Variants in TRMT10B observed in about 807,000 individuals in gnomAD.
TRMT10B encodes the protein tRNA methyltransferase 10B, also known as tRNA methyltransferase 10 homolog B.
A neutral mutation model predicts 43.8 loss-of-function variants in TRMT10B; 33 were observed. The observed-to-expected ratio is 0.75, with a 90% CI of 0.57 to 1.01. The LOEUF is 1.01. Among genes scored for constraint, TRMT10B ranks in the 50% least tolerant of loss-of-function variants. TRMT10B has a pLI of 0.00. For synonymous variants in TRMT10B, 137 were observed against 130.6 expected, an observed-to-expected ratio of 1.05 and a Z score of -0.34; for missense variants, 362 against 369.8, an observed-to-expected ratio of 0.98 and a Z score of 0.17.
At chr9:37,764,660 G>A (rs1291063348) in intron 4 of TRMT10B, among the ~76,000 whole-genome samples, 2 of 152,028 alleles carry the variant, frequency 1.3e-5, no homozygotes, top group Admixed American at 6.6e-5. Flanking sequence ...CTGTCCTCAG[G>A]TGATCCACCT....
At chr9:37,753,307 A>G (rs2118598200), upstream of TRMT10B, among the ~76,000 whole-genome samples, 1 of 152,346 alleles carries the variant, frequency 6.6e-6, no homozygotes, top group Non-Finnish European at 1.5e-5. Context: ...GGAATTTGAT[A>G]TTTTAGTTCT....
chr9:37,768,211 G>T lies in TRMT10B; in HGVS notation c.556G>T (p.Gly186Ter). The part of the protein sequence containing the change: ...LYEECVRMND[G>*]FSSYLLDITE... ...TGAAGAGTGTGTGAGGATGAATGAT[G>T]GATTTTCTAGTTACCTGGTAAGTCT... Residue 186 changes from glycine (G) to a stop codon, truncating the protein, a stop_gained, in exon 5 of 9, where the codon GGA becomes TGA. Transcript: ENST00000297994. LOFTEE classifies it high-confidence loss of function. The T allele has an allele frequency of 6.2e-7, 1 of 1,612,140 alleles. No individual in the cohort carries two copies. The highest frequency in any genetic ancestry group is 8.5e-7 in the Non-Finnish European group (1 of 1,178,830).
chr9:37,753,360 G>A (rs372957870), upstream of TRMT10B, among the ~76,000 whole-genome samples: 2 of 152,186 alleles, frequency 1.3e-5, no homozygotes, highest in African/African-American at 4.8e-5. Context: ...CCTAAACTCC[G>A]CAAGGGATGG....
In TRMT10B at chr9:37,770,023, T is replaced by C. The variant is rs201429855; in HGVS notation, c.652+4T>C. 24 of 1,609,216 alleles carry C rather than the reference T, an allele frequency of 1.5e-5. No homozygotes were observed. The African/African-American group carries it at 2.3e-4, about 15-fold the overall frequency. ...CTGACTCCTGACTCAGAACACGGTA[T>C]GTAGTTGAATGCATGGATTCGTATA... On this transcript the variant is annotated splice_donor_region_variant and intron_variant, in intron 6 of 8. Transcript: ENST00000297994.
At chr9:37,764,708 G>A (rs1372094801) in intron 4 of TRMT10B, among the ~76,000 whole-genome samples, 1 of 152,136 alleles carries the variant, frequency 6.6e-6, no homozygotes, top group Non-Finnish European at 1.5e-5. Flanking sequence ...ACAGGCGTGA[G>A]CTACTGTGCC....
In TRMT10B at chr9:37,768,276, T is replaced by C. The variant is rs565197332; in HGVS notation, c.573+48T>C. 9 of 1,548,706 alleles carry C rather than the reference T, an allele frequency of 5.8e-6. No individual in the cohort carries two copies. The South Asian group carries it at 9.8e-5, about 17-fold the overall frequency. On this transcript the variant is annotated intron_variant, in intron 5 of 8. Coordinates refer to ENST00000297994, the MANE Select transcript of TRMT10B (RefSeq NM_144964.4). Reference sequence around the variant, plus strand: ...TTTGAATTGTCATCTGAAAAGTTATTGTGGTTAATAGTATTTTTTTTTTAC... The same window carrying C: ...TTTGAATTGTCATCTGAAAAGTTATCGTGGTTAATAGTATTTTTTTTTTAC...
chr9:37,772,443 T>C (rs1192936692), intron 7 of TRMT10B, among the ~76,000 whole-genome samples: 1 of 152,012 alleles, frequency 6.6e-6, no homozygotes, highest in African/African-American at 2.4e-5. Flanking sequence ...TGAGCCACCG[T>C]GCCCAGCCTC....
rs1484059533 is a variant in TRMT10B, at chr9:37,774,480, T to G, written c.721-1802T>G. ...TTGGAGTTTGGCTTCTTCACAGAAA[T>G]AAGCTAAGAACAACATTTCTTCAAG... is the stretch of plus-strand genomic sequence containing the variant. On this transcript the variant is annotated intron_variant, in intron 7 of 8. Transcript: ENST00000297994. Among the ~76,000 whole-genome samples, 11 of 152,310 alleles carry G rather than the reference T, an allele frequency of 7.2e-5. 1 individual carries two copies. In the East Asian group the frequency reaches 2.1e-3, roughly 29 times the overall value.
Position 37,776,408 on chromosome 9 carries a change from ACTT to A in TRMT10B, c.844+7_844+9del, listed in dbSNP as rs776140572. ...AGAGATACTGGCCATCAATCAAGGT[ACTT>A]CTTACACGGCCCCCATCCAGGGTGT... On this transcript the variant is annotated splice_donor_5th_base_variant and intron_variant, in intron 8 of 8. Coordinates refer to ENST00000297994, the MANE Select transcript of TRMT10B (RefSeq NM_144964.4). 43 of 1,604,808 alleles carry A rather than the reference ACTT, an allele frequency of 2.7e-5. No homozygotes were observed. Among genetic ancestry groups the A allele is most frequent in the Non-Finnish European group, 3.6e-5 (42 of 1,176,720 alleles).
At chr9:37,763,143 C>CAAAAAAAAAAAAAA (rs747893643) in intron 3 of TRMT10B, among the ~76,000 whole-genome samples, 12 of 50,180 alleles carry the variant, frequency 2.4e-4, no homozygotes, top group South Asian at 7.4e-4. Context: ...GACTCTGTCT[C>CAAAAAAAAAAAAAA]AAAAAAAAAA....
chr9:37,770,026 A>G lies in TRMT10B; in HGVS notation c.652+7A>G, dbSNP rs1315113773. ...ACTCCTGACTCAGAACACGGTATGT[A>G]GTTGAATGCATGGATTCGTATAGCC... On this transcript the variant is annotated splice_region_variant and intron_variant, in intron 6 of 8. Transcript: ENST00000297994. 1.9e-6 allele frequency: 3 copies of G among 1,608,504 alleles called. No individual in the cohort carries two copies. The highest frequency in any genetic ancestry group is 2.6e-6 in the Non-Finnish European group (3 of 1,174,908).
intron 5 of TRMT10B, chr9:37,769,453 C>T (rs78713199): frequency 0.13 from 20,239 of 157,606 alleles, 1,482 homozygotes; most frequent in Non-Finnish European, 0.16. Context: ...AACCCCATAT[C>T]GCTGTCTCAT....
intron 1 of TRMT10B, among the ~76,000 whole-genome samples, chr9:37,755,249 C>T (rs1339419582): frequency 7.0e-6 from 1 of 143,708 alleles, no homozygotes; most frequent in Non-Finnish European, 1.5e-5. Context: ...CCAGCCTGGG[C>T]GACAGAGTAA....
At chr9:37,762,306 AT>A (rs1826435342) in intron 2 of TRMT10B, among the ~76,000 whole-genome samples, 189 bp downstream of exon 2, 1 of 152,224 alleles carries the variant, frequency 6.6e-6, no homozygotes, top group African/African-American at 2.4e-5. Flanking sequence ...TTCAAAAGGA[AT>A]TTTTGATATA....
chr9:37,762,472 A>G, intron 2 of TRMT10B, 105 bp from the exon 3 acceptor site: 1 of 1,445,714 alleles, frequency 6.9e-7, no homozygotes, highest in South Asian at 1.4e-5. Context: ...CTTTCTCTCC[A>G]AACTATATAT....
At chr9:37,758,482 T>C (rs1288643814) in intron 1 of TRMT10B, among the ~76,000 whole-genome samples, 1 of 152,172 alleles carries the variant, frequency 6.6e-6, no homozygotes, top group Non-Finnish European at 1.5e-5. Context: ...AAGCACTTAA[T>C]TGTTTTGTCA....
At chr9:37,770,522 G>A in intron 6 of TRMT10B, 150 bp from the exon 7 acceptor site, 4 of 754,998 alleles carry the variant, frequency 5.3e-6, no homozygotes, top group Non-Finnish European at 8.5e-6. Flanking sequence ...GGCCATTTTA[G>A]AAAATTAGCT....
At chr9:37,770,576 TCTA>T in intron 6 of TRMT10B, 93 bp from the exon 7 acceptor site, 1 of 1,162,208 alleles carries the variant, frequency 8.6e-7, no homozygotes, top group South Asian at 1.4e-5. Context: ...CTACTGAATT[TCTA>T]CTTTTATTGT....
At chr9:37,767,948 C>A in intron 4 of TRMT10B, 128 bp from the exon 5 acceptor site, 1 of 915,494 alleles carries the variant, frequency 1.1e-6, no homozygotes, top group Non-Finnish European at 1.7e-6. Context: ...AATACACGCA[C>A]ACATGTACTC....
Sources: allele counts gnomAD v4.1 joint callset (sites outside exome capture counted in the v4.1 genomes callset), GRCh38; gene constraint gnomAD v4.1.1; transcripts MANE v1.5; gene names NCBI Gene and HGNC (gene_info 2026-07-23, HGNC 2026-07-21).